The following BACH2 variants were observed in gnomAD, a reference collection of about 807,000 sequenced individuals.
BACH2 encodes the protein BACH transcriptional regulator 2, also known as transcription regulator protein BACH2.
A neutral mutation model predicts 61.8 loss-of-function variants in BACH2; 5 were observed. The observed-to-expected ratio is 0.08, with a 90% CI of 0.04 to 0.17. The LOEUF (loss-of-function observed/expected upper bound fraction) is 0.17. BACH2 is among the 10% of genes least tolerant of loss of function. The probability of loss-of-function intolerance (pLI) is 1.00; values close to 1 mark genes in which losing one functional copy is unlikely to be tolerated. For synonymous variants in BACH2, 446 were observed against 440.1 expected, an observed-to-expected ratio of 1.01 and a Z score of -0.17; for missense variants, 824 against 1,091.1, an observed-to-expected ratio of 0.76 and a Z score of 3.45.
intron 4 of BACH2, among the ~76,000 whole-genome samples, chr6:90,193,870 G>A (rs1337106609): frequency 6.6e-6 from 1 of 152,132 alleles, no homozygotes; most frequent in East Asian, 1.9e-4. Context: ...AACAATCCAT[G>A]TAAAATTTTA....
At chr6:90,070,147 G>C (rs77129698) in intron 5 of BACH2, among the ~76,000 whole-genome samples, 2,681 of 152,258 alleles carry the variant, frequency 0.018, 86 homozygotes, top group African/African-American at 0.061. Context: ...GAGTTTAGAG[G>C]TTGTTGGTCA....
At chr6:89,974,968 C>T (rs997023362) in intron 6 of BACH2, among the ~76,000 whole-genome samples, 8 of 152,048 alleles carry the variant, frequency 5.3e-5, no homozygotes, top group Admixed American at 3.3e-4. Context: ...ATCTGAAGTG[C>T]GGAAAGTGGA....
rs567325830 is a variant in BACH2, at chr6:90,266,387, C to T, written c.-353+5462G>A. Among the ~76,000 whole-genome samples, 208 of 152,208 alleles carry T rather than the reference C, an allele frequency of 1.4e-3. 4 individuals carry two copies. Among genetic ancestry groups the T allele is most frequent in the Non-Finnish European group, 2.1e-3 (145 of 67,994 alleles). On this transcript the variant is annotated intron_variant, in intron 2 of 8. Coordinates refer to ENST00000257749, the MANE Select transcript of BACH2 (RefSeq NM_021813.4). The stretch of plus-strand genomic sequence containing the variant: ...GGCTCTAGAAGACAGAAGATGCTCC[C>T]TGGGAGGTTCTTTTCAGCTGTCTTT...
At chr6:90,269,228 A>G (rs1045396989) in intron 2 of BACH2, among the ~76,000 whole-genome samples, 1 of 152,020 alleles carries the variant, frequency 6.6e-6, no homozygotes, top group Non-Finnish European at 1.5e-5. Context: ...AGTTTCACCT[A>G]CCAATATTCT....
In BACH2 at chr6:90,154,994, C is replaced by T. The variant is rs1582427322; in HGVS notation, c.-162+51575G>A. Among the ~76,000 whole-genome samples the T allele has an allele frequency of 2.0e-5, 3 of 152,288 alleles. No individual in the cohort carries two copies. In the South Asian group the frequency reaches 6.2e-4, roughly 32 times the overall value. On this transcript the variant is annotated intron_variant, in intron 4 of 8. Coordinates refer to ENST00000257749, the MANE Select transcript of BACH2 (RefSeq NM_021813.4). ...ACCATAAGTCAGGTTGCACAGCAGA[C>T]ATGAGGAGAAGGGGCACTGCAAAGG...
At chr6:90,291,029 G>A (rs1772161451) in intron 1 of BACH2, among the ~76,000 whole-genome samples, 1 of 152,180 alleles carries the variant, frequency 6.6e-6, no homozygotes, top group Non-Finnish European at 1.5e-5. Flanking sequence ...CATCACATCA[G>A]CAGCAGCATG....
intron 4 of BACH2, among the ~76,000 whole-genome samples, chr6:90,147,157 G>C (rs755155523): frequency 6.6e-6 from 1 of 152,144 alleles, no homozygotes; most frequent in Admixed American, 6.5e-5. Context: ...ACTGCAAGAA[G>C]GGGCAGTAAT....
chr6:89,962,829 C>T (rs1449914023), intron 6 of BACH2, among the ~76,000 whole-genome samples: 1 of 152,106 alleles, frequency 6.6e-6, no homozygotes, highest in Non-Finnish European at 1.5e-5. Context: ...TTGGATATGA[C>T]ACCAAAAGCA....
Position 89,951,779 on chromosome 6 carries a change from G to C in BACH2, c.327C>G (p.Val109=). ...TGCGCAGGAACTCAGCACAGCGGAT[G>C]ACCTCGCGGATGTTTTCTCTGCTGA... ...LLLSRENIRE[V]IRCAEFLRMH... Residue 109 remains valine (V), a synonymous_variant, in exon 7 of 9, where the codon GTC becomes GTG. Transcript: ENST00000257749. The surrounding 1 kb of genome is among the most constrained non-coding windows in gnomAD (Gnocchi z 6.4). 2.5e-6 allele frequency: 4 copies of C among 1,614,242 alleles called. No homozygotes were observed. Among genetic ancestry groups the C allele is most frequent in the Non-Finnish European group, 2.5e-6 (3 of 1,180,052 alleles).
At position 89,990,079 on chromosome 6, in the gene BACH2, C is replaced by T. The variant is rs150234028; in HGVS notation, c.243+18523G>A. On this transcript the variant is annotated intron_variant, in intron 6 of 8. Coordinates refer to ENST00000257749, the MANE Select transcript of BACH2 (RefSeq NM_021813.4). ...CCTTGCGGGGCCACTCCCACAATGCCACCTCATATGTCACTGTGAATAGGG... is the reference window on the plus strand; with the variant it reads ...CCTTGCGGGGCCACTCCCACAATGCTACCTCATATGTCACTGTGAATAGGG... 1.7e-3 allele frequency among the ~76,000 whole-genome samples: 256 copies of T among 152,278 alleles called. 1 individual carries two copies. Among genetic ancestry groups the T allele is most frequent in the African/African-American group, 5.7e-3 (237 of 41,556 alleles).
chr6:89,974,350 C>G (rs993008523), intron 6 of BACH2, among the ~76,000 whole-genome samples: 1 of 152,160 alleles, frequency 6.6e-6, no homozygotes, highest in African/African-American at 2.4e-5. Flanking sequence ...GTAAAGTGCA[C>G]AGGGCAGTGC....
At chr6:89,986,933 A>G (rs1306434680) in intron 6 of BACH2, among the ~76,000 whole-genome samples, 1 of 152,186 alleles carries the variant, frequency 6.6e-6, no homozygotes. Context: ...TGAGGTCTGG[A>G]GACAGTAAAA....
intron 6 of BACH2, among the ~76,000 whole-genome samples, chr6:89,981,801 G>T (rs1245137363): frequency 6.6e-6 from 1 of 152,122 alleles, no homozygotes; most frequent in South Asian, 2.1e-4. Flanking sequence ...GTTACCTAGA[G>T]GAAGCGTGTG....
At chr6:90,218,842 G>A (rs940726440) in intron 3 of BACH2, among the ~76,000 whole-genome samples, 2 of 152,040 alleles carry the variant, frequency 1.3e-5, no homozygotes, top group African/African-American at 4.8e-5. Context: ...CAGTGATGTG[G>A]CTTCCAGGTG....
intron 2 of BACH2, among the ~76,000 whole-genome samples, chr6:90,259,845 G>A (rs982131392): frequency 2.6e-5 from 4 of 151,960 alleles, no homozygotes; most frequent in Non-Finnish European, 5.9e-5. Flanking sequence ...CACCCAATTT[G>A]TTGGCATATA....
At chr6:90,162,230 G>T (rs1354351649) in intron 4 of BACH2, among the ~76,000 whole-genome samples, 1 of 152,112 alleles carries the variant, frequency 6.6e-6, no homozygotes, top group African/African-American at 2.4e-5. Context: ...AATGAGCATA[G>T]GACTAAATTT....
chr6:89,948,372 A>T (rs551761189), intron 7 of BACH2, among the ~76,000 whole-genome samples: 1 of 151,728 alleles, frequency 6.6e-6, no homozygotes, highest in Non-Finnish European at 1.5e-5. Flanking sequence ...ACGCCTGGCT[A>T]TTTTTTTATA....
intron 8 of BACH2, among the ~76,000 whole-genome samples, chr6:89,935,646 G>T (rs1772978621): frequency 6.6e-6 from 1 of 152,198 alleles, no homozygotes; most frequent in Non-Finnish European, 1.5e-5. Context: ...ACTAGATGAT[G>T]CTCTAATTTG....
At chr6:89,992,410 G>A (rs897643756) in intron 6 of BACH2, among the ~76,000 whole-genome samples, 1 of 152,184 alleles carries the variant, frequency 6.6e-6, no homozygotes, top group African/African-American at 2.4e-5. Context: ...GGAGGCCAAG[G>A]CGGGTGGATC....
Sources: allele counts gnomAD v4.1 joint callset (sites outside exome capture counted in the v4.1 genomes callset), GRCh38; gene constraint gnomAD v4.1.1; non-coding constraint Gnocchi (gnomAD v3.1); transcripts MANE v1.5; gene names NCBI Gene and HGNC (gene_info 2026-07-23, HGNC 2026-07-21).